MCTP1: variants seen among roughly 807,000 people sequenced by gnomAD.
The protein encoded by MCTP1 is multiple C2 and transmembrane domain-containing protein 1.
Under a neutral mutation model 120.6 loss-of-function variants are expected in MCTP1, and 69 were observed. The observed-to-expected ratio is 0.57, with a 90% CI of 0.47 to 0.70. The LOEUF is 0.70. Among genes scored for constraint, MCTP1 ranks in the 30% least tolerant of loss-of-function variants. The pLI, the probability that MCTP1 is intolerant of heterozygous loss-of-function variation, is 0.00. For missense variants in MCTP1, 1,203 were observed against 1,248.8 expected, an observed-to-expected ratio of 0.96 and a Z score of 0.55; for synonymous variants, 529 against 493.1, an observed-to-expected ratio of 1.07 and a Z score of -0.96.
At chr5:94,826,693 A>C in intron 17 of MCTP1, 1 of 534,168 alleles carries the variant, frequency 1.9e-6, no homozygotes, top group Non-Finnish European at 3.3e-6. Flanking sequence ...TACACACTCC[A>C]TGGTTCCAGC....
chr5:94,889,173 C>T (rs1371170932), intron 11 of MCTP1, among the ~76,000 whole-genome samples: 1 of 151,998 alleles, frequency 6.6e-6, no homozygotes, highest in Non-Finnish European at 1.5e-5. Context: ...GATTAAATTA[C>T]CTAAACATTG....
intron 1 of MCTP1, among the ~76,000 whole-genome samples, chr5:95,256,171 A>C (rs1289921014): frequency 6.6e-6 from 1 of 152,254 alleles, no homozygotes; most frequent in Non-Finnish European, 1.5e-5. Context: ...AAAGAAAAGA[A>C]GAATGAGAGC....
chr5:94,995,681 G>A (rs1832489894), intron 2 of MCTP1, among the ~76,000 whole-genome samples: 1 of 152,156 alleles, frequency 6.6e-6, no homozygotes, highest in Admixed American at 6.6e-5. Context: ...TTCCTCCCAA[G>A]GGAAATCAGC....
At chr5:95,045,055 T>C (rs1842942495) in intron 1 of MCTP1, among the ~76,000 whole-genome samples, 1 of 152,128 alleles carries the variant, frequency 6.6e-6, no homozygotes, top group African/African-American at 2.4e-5. Context: ...TATCACCAAC[T>C]TCTCCAATTT....
chr5:95,171,192 G>A (rs905856502), intron 1 of MCTP1, among the ~76,000 whole-genome samples: 1 of 152,118 alleles, frequency 6.6e-6, no homozygotes, highest in Non-Finnish European at 1.5e-5. Flanking sequence ...CTGGATATGA[G>A]ATTCTGGGTT....
At chr5:95,006,588 C>T (rs1029871949) in intron 2 of MCTP1, among the ~76,000 whole-genome samples, 3 of 152,136 alleles carry the variant, frequency 2.0e-5, no homozygotes, top group African/African-American at 7.2e-5. Context: ...TGACTAGCAA[C>T]ATGTTCAATT....
At chr5:94,720,757 G>T (rs1221867475) in intron 19 of MCTP1, among the ~76,000 whole-genome samples, 1 of 152,124 alleles carries the variant, frequency 6.6e-6, no homozygotes, top group African/African-American at 2.4e-5. Context: ...AAGGAAGATG[G>T]TTAGAAGAAA....
chr5:94,960,650 A>T (rs1403266918), intron 2 of MCTP1, among the ~76,000 whole-genome samples: 1 of 152,256 alleles, frequency 6.6e-6, no homozygotes, highest in Non-Finnish European at 1.5e-5. Flanking sequence ...GACGTGGCCA[A>T]GAAACATATG....
intron 1 of MCTP1, among the ~76,000 whole-genome samples, chr5:95,173,568 A>G (rs941982762): frequency 3.9e-5 from 6 of 152,124 alleles, no homozygotes; most frequent in African/African-American, 9.7e-5. Context: ...GATCCTAACA[A>G]TTACATCCAG....
At chr5:95,096,914 C>T (rs1227680047) in intron 1 of MCTP1, among the ~76,000 whole-genome samples, 1 of 152,082 alleles carries the variant, frequency 6.6e-6, no homozygotes, top group Admixed American at 6.5e-5. Flanking sequence ...TTCTAAATAG[C>T]TTAGACGGGA....
intron 1 of MCTP1, among the ~76,000 whole-genome samples, chr5:95,202,121 A>G (rs7445538): frequency 6.6e-6 from 1 of 152,074 alleles, no homozygotes; most frequent in Non-Finnish European, 1.5e-5. Context: ...ACCACTCTTG[A>G]TGTGGGTAGA....
chr5:94,876,596 C>G (rs372649774), intron 12 of MCTP1, among the ~76,000 whole-genome samples: 2 of 152,032 alleles, frequency 1.3e-5, no homozygotes, highest in East Asian at 1.9e-4. Context: ...TCATTTTTGT[C>G]ACAAGACTAA....
At chr5:94,796,749 A>G (rs187154471) in intron 18 of MCTP1, among the ~76,000 whole-genome samples, 4 of 151,614 alleles carry the variant, frequency 2.6e-5, no homozygotes, top group Admixed American at 2.0e-4. Flanking sequence ...TGGATATGCC[A>G]GCAAACACAT....
intron 19 of MCTP1, among the ~76,000 whole-genome samples, chr5:94,744,787 G>T (rs941609271): frequency 2.0e-5 from 3 of 152,152 alleles, no homozygotes; most frequent in Non-Finnish European, 2.9e-5. Flanking sequence ...TGGGATTACA[G>T]GTGTGAGCCA....
chr5:95,251,214 G>T (rs1355069647), intron 1 of MCTP1, among the ~76,000 whole-genome samples: 3 of 152,030 alleles, frequency 2.0e-5, no homozygotes, highest in African/African-American at 7.2e-5. Context: ...ATAGAAAGGG[G>T]CCAGCAATCA....
chr5:94,844,076 A>G (rs1306285110), intron 17 of MCTP1, among the ~76,000 whole-genome samples: 1 of 151,920 alleles, frequency 6.6e-6, no homozygotes, highest in Non-Finnish European at 1.5e-5. Flanking sequence ...GCAGAGGCGG[A>G]TGGATCACCT....
At chr5:94,815,877 C>T (rs928232830) in intron 17 of MCTP1, among the ~76,000 whole-genome samples, 3 of 152,214 alleles carry the variant, frequency 2.0e-5, no homozygotes, top group African/African-American at 2.4e-5. Context: ...GGGCAATATG[C>T]GACCTAAAAG....
intron 17 of MCTP1, among the ~76,000 whole-genome samples, chr5:94,807,551 C>T (rs937925338): frequency 1.3e-5 from 2 of 152,144 alleles, no homozygotes; most frequent in Non-Finnish European, 2.9e-5. Flanking sequence ...TTAACCCCAC[C>T]AATTGCCTCC....
At chr5:94,997,596 C>T (rs191733919) in intron 2 of MCTP1, among the ~76,000 whole-genome samples, 1 of 152,096 alleles carries the variant, frequency 6.6e-6, no homozygotes, top group Admixed American at 6.6e-5. Context: ...AGTCATGACT[C>T]TTTATAATGG....
Sources: allele counts gnomAD v4.1 joint callset (sites outside exome capture counted in the v4.1 genomes callset), GRCh38; gene constraint gnomAD v4.1.1; transcripts MANE v1.5; gene names NCBI Gene and HGNC (gene_info 2026-07-23, HGNC 2026-07-21).